Variants in FRK observed in about 807,000 individuals in gnomAD.
FRK encodes the protein tyrosine-protein kinase FRK.
Under a neutral mutation model 56.4 loss-of-function variants are expected in FRK, and 51 were observed. That is an observed-to-expected ratio of 0.90 (90% CI 0.72 to 1.14). FRK has a LOEUF of 1.14. Ranked by LOEUF, FRK falls within the 50% of genes most tolerant of loss-of-function variation. The pLI is 0.00. For missense variants in FRK, 570 were observed against 601.4 expected (o/e 0.95, Z 0.55); for synonymous variants, 245 against 217.9 (o/e 1.12, Z -1.10).
At chr6:115,973,071 A>C (rs2114615260) in intron 2 of FRK, among the ~76,000 whole-genome samples, 1 of 152,326 alleles carries the variant, frequency 6.6e-6, no homozygotes, top group South Asian at 2.1e-4. Context: ...AAAAGGCAAG[A>C]GTCCATTTAG....
intron 2 of FRK, chr6:116,002,644 T>G: frequency 2.2e-6 from 1 of 451,674 alleles, no homozygotes; most frequent in Admixed American, 2.4e-5. Context: ...TCACACACAA[T>G]CACATTTCAA....
intron 2 of FRK, among the ~76,000 whole-genome samples, chr6:115,998,651 A>C (rs1289524809): frequency 2.0e-5 from 3 of 152,232 alleles, no homozygotes; most frequent in African/African-American, 7.2e-5. Flanking sequence ...CTCACAACAA[A>C]ATAACTGTAT....
chr6:115,992,304 A>G (rs1389904299), intron 2 of FRK, among the ~76,000 whole-genome samples: 1 of 151,648 alleles, frequency 6.6e-6, no homozygotes, highest in Non-Finnish European at 1.5e-5. Context: ...AAATCCCTTC[A>G]AAAGAAGTAA....
the FRK span, among the ~76,000 whole-genome samples, chr6:116,099,617 T>C: frequency 1.3e-5 from 2 of 152,238 alleles, no homozygotes; most frequent in East Asian, 3.8e-4. Flanking sequence ...TTTGGGGCTT[T>C]TAAGTGTTAT....
the FRK span, among the ~76,000 whole-genome samples, chr6:116,097,759 T>G: frequency 6.6e-6 from 1 of 152,176 alleles, no homozygotes; most frequent in East Asian, 1.9e-4. Flanking sequence ...CATGAAATAC[T>G]AAAAACAAAA....
the FRK span, among the ~76,000 whole-genome samples, chr6:116,073,985 G>C: frequency 6.6e-6 from 1 of 152,132 alleles, no homozygotes; most frequent in Non-Finnish European, 1.5e-5. Context: ...TTGACACAAA[G>C]GAGCCAAGAG....
intron 1 of FRK, among the ~76,000 whole-genome samples, chr6:116,051,044 C>A (rs1275328400): frequency 6.6e-6 from 1 of 152,130 alleles, no homozygotes; most frequent in Non-Finnish European, 1.5e-5. Flanking sequence ...TTATAGCTAT[C>A]AACAATACTG....
chr6:116,016,610 C>T (rs1775665356), intron 1 of FRK, among the ~76,000 whole-genome samples: 1 of 152,070 alleles, frequency 6.6e-6, no homozygotes, highest in South Asian at 2.1e-4. Context: ...CAGATATGTA[C>T]TAGTTTTACT....
intron 5 of FRK, among the ~76,000 whole-genome samples, chr6:115,945,522 C>T (rs966467019): frequency 6.6e-6 from 1 of 152,112 alleles, no homozygotes; most frequent in African/African-American, 2.4e-5. Flanking sequence ...CTAATTTCTT[C>T]ATGGAAATTA....
intron 1 of FRK, among the ~76,000 whole-genome samples, chr6:116,054,151 T>A (rs566100058): frequency 1.3e-5 from 2 of 151,460 alleles, no homozygotes; most frequent in Non-Finnish European, 3.0e-5. Context: ...TATATTAACA[T>A]GAAGTCAAAT....
intron 2 of FRK, among the ~76,000 whole-genome samples, chr6:115,980,025 T>C (rs1273939330): frequency 6.6e-6 from 1 of 152,156 alleles, no homozygotes; most frequent in African/African-American, 2.4e-5. Flanking sequence ...CATTATGTCC[T>C]CATAAGGAAA....
chr6:116,066,847 CA>C, the FRK span, among the ~76,000 whole-genome samples: 1 of 152,166 alleles, frequency 6.6e-6, no homozygotes, highest in Non-Finnish European at 1.5e-5. Context: ...AATAATGTAT[CA>C]TTAAAAAGGT....
At position 115,988,824 on chromosome 6, in the gene FRK, C is replaced by G. The variant is rs148006835; in HGVS notation, c.466+15053G>C. Among the ~76,000 whole-genome samples the G allele has an allele frequency of 1.3e-3, 193 of 152,026 alleles. 1 individual carries two copies. The East Asian group carries it at 0.035, about 28-fold the overall frequency. On this transcript the variant is annotated intron_variant, in intron 2 of 7. Coordinates refer to ENST00000606080, the MANE Select transcript of FRK (RefSeq NM_002031.3). ...TACATATCTTATTTGATTTAAGAAT[C>G]AGGCAGCCTTAAGATTCAAACATTT...
At chr6:115,950,189 A>G (rs1762615702) in intron 5 of FRK, among the ~76,000 whole-genome samples, 1 of 152,240 alleles carries the variant, frequency 6.6e-6, no homozygotes, top group Admixed American at 6.5e-5. Flanking sequence ...AATGGGATCT[A>G]ATTAAACAAA....
At chr6:116,026,085 AAGTAATCTACCAATAACTCTAG>A (rs914798777) in intron 1 of FRK, among the ~76,000 whole-genome samples, 1 of 152,174 alleles carries the variant, frequency 6.6e-6, no homozygotes, top group African/African-American at 2.4e-5. Context: ...AACTCTATAA[AAGTAATCTACCAATAACTCTAG>A]AGTAATCTAC....
At chr6:115,973,264 T>A (rs1773874811) in intron 2 of FRK, among the ~76,000 whole-genome samples, 1 of 152,126 alleles carries the variant, frequency 6.6e-6, no homozygotes, top group Non-Finnish European at 1.5e-5. Flanking sequence ...TCATAATATA[T>A]TCCTGAAGCT....
the FRK span, among the ~76,000 whole-genome samples, chr6:116,100,218 T>C: frequency 5.3e-5 from 8 of 152,238 alleles, no homozygotes; most frequent in African/African-American, 1.9e-4. Flanking sequence ...TTGGTTTCCA[T>C]AACAAGTATC....
At chr6:115,948,160 T>G (rs1468117269) in intron 5 of FRK, among the ~76,000 whole-genome samples, 1 of 152,230 alleles carries the variant, frequency 6.6e-6, no homozygotes, top group African/African-American at 2.4e-5. Context: ...TAAAGCAAGC[T>G]GCTATGTTGC....
rs1190896549 is a variant in FRK, at chr6:115,933,734, A to C, written c.*8680T>G. On this transcript the variant is annotated 3_prime_UTR_variant, in exon 8 of 8. Transcript: ENST00000606080. ...CGCAAGAAAAATTAAACATGAAATG[A>C]ATTCAAAGAAAAGGAACTATTTTCT... 6.6e-6 allele frequency: 1 copy of C among 152,216 alleles called. No homozygotes were observed. 9.4% of individuals were successfully genotyped at this position (152,216 alleles called of 1,614,324 possible).
Sources: allele counts gnomAD v4.1 joint callset (sites outside exome capture counted in the v4.1 genomes callset), GRCh38; gene constraint gnomAD v4.1.1; transcripts MANE v1.5; gene names NCBI Gene and HGNC (gene_info 2026-07-23, HGNC 2026-07-21).